CCDC61: variants seen among roughly 807,000 people sequenced by gnomAD.
CCDC61 encodes the protein centrosomal protein CCDC61.
A neutral mutation model predicts 63.0 loss-of-function variants in CCDC61; 55 were observed. The ratio of observed to expected loss-of-function variants is 0.87; its 90% CI spans 0.70 to 1.09. The LOEUF is 1.09. Among genes scored for constraint, CCDC61 ranks in the 50% least tolerant of loss-of-function variants. CCDC61 has a pLI of 0.00. For missense variants in CCDC61, 651 were observed against 731.4 expected (o/e 0.89, Z 1.27); for synonymous variants, 270 against 317.0 (o/e 0.85, Z 1.58).
intron 5 of CCDC61, among the ~76,000 whole-genome samples, chr19:46,011,474 CCTA>C (rs1230908914): frequency 1.3e-5 from 2 of 152,094 alleles, no homozygotes; most frequent in Non-Finnish European, 2.9e-5. Context: ...TGAATTTTTC[CCTA>C]GCAAGCATAC....
chr19:46,009,685 G>A (rs953696651), intron 5 of CCDC61, among the ~76,000 whole-genome samples: 2 of 152,188 alleles, frequency 1.3e-5, no homozygotes, highest in Non-Finnish European at 2.9e-5. Flanking sequence ...AGTCCTTATG[G>A]GAGCTCATGG....
chr19:46,002,918 AT>A, intron 1 of CCDC61, 89 bp from the exon 2 acceptor site: 1 of 1,309,900 alleles, frequency 7.6e-7, no homozygotes, highest in South Asian at 1.3e-5. Flanking sequence ...CAGCTGGTAA[AT>A]GATGGAGCCA....
chr19:45,999,698 G>A (rs1455989873), intron 1 of CCDC61, among the ~76,000 whole-genome samples: 1 of 152,142 alleles, frequency 6.6e-6, no homozygotes, highest in Non-Finnish European at 1.5e-5. Flanking sequence ...GGTGGAGCCA[G>A]GGGTGGTGAT....
rs1278484806 is a variant in CCDC61 at position 46,015,920 on chromosome 19, A to T, written c.846-134A>T. On this transcript the variant is annotated intron_variant, in intron 7 of 13. Transcript: ENST00000595358. The surrounding 1 kb of genome is among the most constrained non-coding windows in gnomAD (Gnocchi z 5.3). ...TGGGGGGGAAGATATCGAGAGGGTCATGGGCCCAGGAGTGCACGTCTAGGA... is the reference window on the plus strand; with the variant it reads ...TGGGGGGGAAGATATCGAGAGGGTCTTGGGCCCAGGAGTGCACGTCTAGGA... The T allele has an allele frequency of 1.5e-6, 1 of 660,682 alleles. No individual in the cohort carries two copies. Among genetic ancestry groups the T allele is most frequent in the African/African-American group, 1.9e-5 (1 of 52,708 alleles). The allele number at this position is 660,682 out of a possible 1,614,324, so 40.9% of individuals were successfully genotyped here.
rs368791609 is a variant in CCDC61 at position 46,018,266 on chromosome 19, C to T, written c.1442-24C>T. ...TGGGGCTTCAGGCCCCTCACAGCCC[C>T]CATACCCACACCTGCTCTCACAGAG... On this transcript the variant is annotated intron_variant, in intron 13 of 13. Coordinates refer to ENST00000595358, the MANE Select transcript of CCDC61 (RefSeq NM_001267723.2). The surrounding 1 kb of genome is among the most constrained non-coding windows in gnomAD (Gnocchi z 4.2). The T allele has an allele frequency of 3.0e-5, 47 of 1,557,084 alleles. No homozygotes were observed. The African/African-American group carries it at 4.8e-4, about 16-fold the overall frequency.
At chr19:46,008,326 T>TG in intron 5 of CCDC61, 25 bp downstream of exon 5, 5 of 460,770 alleles carry the variant, frequency 1.1e-5, no homozygotes, top group Admixed American at 5.7e-5. Context: ...GGTGGGCAGC[T>TG]GGGGCGGGTG....
chr19:46,000,409 T>TGTA (rs1282497023), intron 1 of CCDC61, among the ~76,000 whole-genome samples: 1 of 151,448 alleles, frequency 6.6e-6, no homozygotes, highest in Admixed American at 6.6e-5. Flanking sequence ...GGGTGGCTGG[T>TGTA]GTAGGGAGGA....
Position 46,018,449 on chromosome 19 carries a change from G to GGGGC in CCDC61, c.*63_*66dup. On this transcript the variant is annotated 3_prime_UTR_variant, in exon 14 of 14. Coordinates refer to ENST00000595358, the MANE Select transcript of CCDC61 (RefSeq NM_001267723.2). The surrounding 1 kb of genome is among the most constrained non-coding windows in gnomAD (Gnocchi z 4.2). ...ACTTGCTGGGTATGGTGTGGGGGGT[G>GGGGC]GGGCCAGGGTGGCCTCCAGCCCTGC... is the stretch of plus-strand genomic sequence containing the variant. The GGGGC allele has an allele frequency of 7.0e-7, 1 of 1,423,318 alleles. No homozygotes were observed. The highest frequency in any genetic ancestry group is 9.6e-7 in the Non-Finnish European group (1 of 1,036,590). The allele number at this position is 1,423,318 out of a possible 1,614,324, so 88.2% of individuals were successfully genotyped here.
rs1968939283 is a variant in CCDC61, at chr19:46,016,489, G to A, written c.1091+96G>A. 3 of 1,470,982 alleles carry A rather than the reference G, an allele frequency of 2.0e-6. No homozygotes were observed. The highest frequency in any genetic ancestry group is 1.2e-5 in the South Asian group (1 of 84,934). The allele number at this position is 1,470,982 out of a possible 1,614,324, so 91.1% of individuals were successfully genotyped here. On this transcript the variant is annotated intron_variant, in intron 9 of 13. Transcript: ENST00000595358. This position sits in a 1 kb window ranked among gnomAD's most constrained non-coding sequence, Gnocchi z 7.2. ...ACGCCACCATCAGTCTCCATCCCCT[G>A]CCACCTGCTCGCTTCTCGCCGGATA...
chr19:45,997,020 GTTC>G (rs1968506363), intron 1 of CCDC61, among the ~76,000 whole-genome samples: 1 of 152,098 alleles, frequency 6.6e-6, no homozygotes. Context: ...AACCTATTGG[GTTC>G]CTCCTCCTCC....
At chr19:46,003,697 T>G (rs907136154) in intron 3 of CCDC61, among the ~76,000 whole-genome samples, 196 bp downstream of exon 3, 3 of 152,058 alleles carry the variant, frequency 2.0e-5, no homozygotes, top group African/African-American at 7.2e-5. Context: ...TGTAGAAAAT[T>G]TAGGTCACAG....
At chr19:45,995,847 A>G (rs1968482409) in intron 1 of CCDC61, among the ~76,000 whole-genome samples, 1 of 152,122 alleles carries the variant, frequency 6.6e-6, no homozygotes, top group Non-Finnish European at 1.5e-5. Context: ...ACAGCGCACT[A>G]TGCTTTACAA....
At chr19:45,998,231 T>C (rs928032138) in intron 1 of CCDC61, among the ~76,000 whole-genome samples, 2 of 152,194 alleles carry the variant, frequency 1.3e-5, no homozygotes, top group Non-Finnish European at 2.9e-5. Flanking sequence ...ACTGGGCAGA[T>C]TGTGGCGCCC....
At position 46,015,471 on chromosome 19, in the gene CCDC61, C is replaced by T; in HGVS notation, c.845+44C>T. The T allele has an allele frequency of 8.0e-7, 1 of 1,252,352 alleles. No homozygotes were observed. Among genetic ancestry groups the T allele is most frequent in the Non-Finnish European group, 1.0e-6 (1 of 974,090 alleles). 77.6% of individuals were successfully genotyped at this position (1,252,352 alleles called of 1,614,324 possible). On this transcript the variant is annotated intron_variant, in intron 7 of 13. Transcript: ENST00000595358. The surrounding 1 kb of genome is among the most constrained non-coding windows in gnomAD (Gnocchi z 5.3). ...AGGCGCCTGGGCGGATGGGCGGGCC[C>T]TGAGGGTGTGGAGGCTGATGAGGCG...
Position 46,015,324 on chromosome 19 carries a change from G to T in CCDC61, c.763-21G>T, listed in dbSNP as rs1165897812. ...CCTCGGCCTCAGCCTGGACCTCCGC[G>T]CCCCTCTCCCCTCCCGGCAGCTCGA... On this transcript the variant is annotated intron_variant, in intron 6 of 13. Transcript: ENST00000595358. The surrounding 1 kb of genome is among the most constrained non-coding windows in gnomAD (Gnocchi z 5.3). 24 of 1,592,950 alleles carry T rather than the reference G, an allele frequency of 1.5e-5. No individual in the cohort carries two copies. Among genetic ancestry groups the T allele is most frequent in the Non-Finnish European group, 2.0e-5 (23 of 1,176,010 alleles).
At chr19:46,000,811 T>G (rs1229058404) in intron 1 of CCDC61, among the ~76,000 whole-genome samples, 1 of 144,064 alleles carries the variant, frequency 6.9e-6, no homozygotes, top group Admixed American at 7.3e-5. Context: ...GTGTCTGGGA[T>G]CAGGGCGGGG....
chr19:46,013,875 A>G (rs1968875277), intron 5 of CCDC61, among the ~76,000 whole-genome samples: 1 of 152,140 alleles, frequency 6.6e-6, no homozygotes, highest in East Asian at 1.9e-4. Context: ...CAGAAAAAAA[A>G]AAAAAAAGAT....
chr19:46,003,518 C>CCGGGGTGGGG lies in CCDC61; in HGVS notation c.231+17_231+18insCGGGGTGGGG. 1.6e-6 allele frequency: 1 copy of CCGGGGTGGGG among 642,876 alleles called. No homozygotes were observed. The highest frequency in any genetic ancestry group is 2.6e-6 in the Non-Finnish European group (1 of 378,930). 39.8% of individuals were successfully genotyped at this position (642,876 alleles called of 1,614,324 possible). A position where few individuals can be genotyped will look rare whatever the true frequency, so the allele number is the denominator to read the frequency against. On this transcript the variant is annotated intron_variant, in intron 3 of 13. Coordinates refer to ENST00000595358, the MANE Select transcript of CCDC61 (RefSeq NM_001267723.2). ...CTCACTCAGGTAGGGCCCGGGTTGG[C>CCGGGGTGGGG]GGGTTGGGGTGGGAGGGGGGTTCTG...
chr19:46,014,916 A>G lies in CCDC61; in HGVS notation c.552-133A>G, dbSNP rs571041041. The G allele has an allele frequency of 1.3e-5, 9 of 688,536 alleles. No homozygotes were observed. In the East Asian group the frequency reaches 1.9e-4, roughly 14 times the overall value. The allele number at this position is 688,536 out of a possible 1,614,324, so 42.7% of individuals were successfully genotyped here. The stretch of plus-strand genomic sequence containing the variant: ...ATATGATAGGACCCTGCCCCTCCCC[A>G]TGGGGTCAGTTGAGACTGATGAGCC... On this transcript the variant is annotated intron_variant, in intron 5 of 13. Coordinates refer to ENST00000595358, the MANE Select transcript of CCDC61 (RefSeq NM_001267723.2).
Sources: gnomAD v4.1 joint callset for allele counts (sites outside exome capture counted in the v4.1 genomes callset) on GRCh38, gnomAD v4.1.1 for gene constraint, Gnocchi (gnomAD v3.1) non-coding constraint, MANE v1.5 for transcripts, NCBI Gene and HGNC (gene_info 2026-07-23, HGNC 2026-07-21) for gene names.